The following KIF1C variants were observed in gnomAD, a reference collection of about 807,000 sequenced individuals.
The protein encoded by KIF1C is kinesin-like protein KIF1C.
In KIF1C, 61 loss-of-function variants were observed where a neutral mutation model predicts 126.5. The observed-to-expected ratio is 0.48, with a 90% confidence interval of 0.39 to 0.60. The LOEUF (loss-of-function observed/expected upper bound fraction) is 0.60. Among genes scored for constraint, KIF1C ranks in the 20% least tolerant of loss-of-function variants. The pLI is 0.00. For missense variants in KIF1C, 1,315 were observed against 1,489.2 expected (o/e 0.88, Z 1.93); for synonymous variants, 640 against 580.6 (o/e 1.10, Z -1.47).
At chr17:5,000,425 G>A (rs1974553986) in intron 3 of KIF1C, 73 bp downstream of exon 3, 2 of 1,028,504 alleles carry the variant, frequency 1.9e-6, no homozygotes, top group Admixed American at 2.0e-5. Context: ...CAGTCCCGCT[G>A]GGCCAAACTA....
chr17:5,020,508 G>A lies in KIF1C; in HGVS notation c.1767G>A (p.Met589Ile). 1 of 1,613,512 alleles carries A rather than the reference G, an allele frequency of 6.2e-7. No homozygotes were observed. The highest frequency in any genetic ancestry group is 8.5e-7 in the Non-Finnish European group (1 of 1,179,670). ...CATCTCTAGGGAATAGGATTGTGAT[G>A]GGCAAGAACCACGTTTTCCGCTTCA... ...LVLKSGNRIV[M>I]GKNHVFRFNH... The change falls in exon 20 of 23, where the codon ATG becomes ATA. Residue 589 changes from methionine to isoleucine, a missense_variant. Physicochemically the swap from Met to Ile is conservative, Grantham distance 10. This residue lies in a region of KIF1C where 874 missense variants were observed against 1,053.2 expected (regional missense o/e 0.83). Coordinates refer to ENST00000320785, the MANE Select transcript of KIF1C (RefSeq NM_006612.6). The surrounding 1 kb of genome is among the most constrained non-coding windows in gnomAD (Gnocchi z 5.8).
At position 5,022,531 on chromosome 17, in the gene KIF1C, G is replaced by T. The variant is rs1975115825; in HGVS notation, c.2450G>T (p.Ser817Ile). 6.9e-6 allele frequency: 11 copies of T among 1,588,246 alleles called. No homozygotes were observed. The highest frequency in any genetic ancestry group is 1.1e-5 in the South Asian group (1 of 87,870). Residue 817 changes from serine to isoleucine, a missense_variant, in exon 22 of 23, where the codon AGT becomes ATT. Ser to Ile is a moderately radical substitution (Grantham distance 142). Around this residue, in one of 2 missense-constraint regions of KIF1C, gnomAD observed 441 missense variants for 436.1 expected, o/e 1.01. Coordinates refer to ENST00000320785, the MANE Select transcript of KIF1C (RefSeq NM_006612.6). This position sits in a 1 kb window ranked among gnomAD's most constrained non-coding sequence, Gnocchi z 4.9. Reference sequence around the variant, plus strand: ...GAGGAGGAAGGAGGTGGAGCTGGCAGTGGTGGTGGCAGTGAGGAGGGAGCC... The same window carrying T: ...GAGGAGGAAGGAGGTGGAGCTGGCATTGGTGGTGGCAGTGAGGAGGGAGCC... Reference protein sequence around the residue: ...VGEEEGGGAGSGGGSEEGARG... With the variant: ...VGEEEGGGAGIGGGSEEGARG...
In KIF1C at chr17:4,999,368, T is replaced by C. The variant is rs921520892; in HGVS notation, c.-148-482T>C. 3.9e-5 allele frequency among the ~76,000 whole-genome samples: 6 copies of C among 152,342 alleles called. No homozygotes were observed. The East Asian group carries it at 5.8e-4, about 15-fold the overall frequency. ...GCAGTTTCCTCTCTGGTCTCTCTTCTGGGCTCCCAGTTTGTGCTTTGGCGC... is the reference window on the plus strand; with the variant it reads ...GCAGTTTCCTCTCTGGTCTCTCTTCCGGGCTCCCAGTTTGTGCTTTGGCGC... On this transcript the variant is annotated intron_variant, in intron 1 of 22. Transcript: ENST00000320785.
intron 16 of KIF1C, among the ~76,000 whole-genome samples, chr17:5,010,226 T>C (rs1974831580): frequency 6.6e-6 from 1 of 152,214 alleles, no homozygotes; most frequent in Non-Finnish European, 1.5e-5. Context: ...GTGCTTGGCC[T>C]GCATACCTTA....
intron 18 of KIF1C, among the ~76,000 whole-genome samples, chr17:5,017,885 G>A: frequency 6.6e-6 from 1 of 152,114 alleles, no homozygotes; most frequent in Non-Finnish European, 1.5e-5. Flanking sequence ...GATTATCATG[G>A]GTTCAGGGTA....
At chr17:5,004,725 G>A in intron 12 of KIF1C, 80 bp downstream of exon 12, 1 of 1,583,442 alleles carries the variant, frequency 6.3e-7, no homozygotes, top group Non-Finnish European at 8.7e-7. Context: ...TCAGGACCCT[G>A]CTCGTGAGAC....
Position 5,023,710 on chromosome 17 carries a change from C to A in KIF1C, c.2871C>A (p.Gly957=). The A allele has an allele frequency of 6.4e-7, 1 of 1,566,640 alleles. No homozygotes were observed. The highest frequency in any genetic ancestry group is 1.2e-5 in the South Asian group (1 of 84,468). Residue 957 remains glycine, a synonymous_variant, in exon 23 of 23, where the codon GGC becomes GGA. Transcript: ENST00000320785. This position sits in a 1 kb window ranked among gnomAD's most constrained non-coding sequence, Gnocchi z 4.2. ...TGCAGGGACTGCAGGGCTCTGGGGG[C>A]CGGGGCGGGGGGCTGCGCAGGCCCC... is the stretch of plus-strand genomic sequence containing the variant. The part of the protein sequence containing the change: ...LRLQGLQGSG[G]RGGGLRRPPA...
chr17:5,021,715 C>T (rs1975094609), intron 21 of KIF1C, among the ~76,000 whole-genome samples: 1 of 152,122 alleles, frequency 6.6e-6, no homozygotes, highest in Non-Finnish European at 1.5e-5. Context: ...CTCCTGGGCT[C>T]AAGTGATCCT....
Position 5,020,499 on chromosome 17 carries a change from G to A in KIF1C, c.1758G>A (p.Arg586=). The A allele has an allele frequency of 6.2e-6, 10 of 1,613,054 alleles. No individual in the cohort carries two copies. Among genetic ancestry groups the A allele is most frequent in the Non-Finnish European group, 7.6e-6 (9 of 1,179,390 alleles). ...TEPLVLKSGN[R]IVMGKNHVFR... ...CCCTCCTCCCATCTCTAGGGAATAG[G>A]ATTGTGATGGGCAAGAACCACGTTT... Residue 586 remains arginine (R), a synonymous_variant, in exon 20 of 23, where the codon AGG becomes AGA. Coordinates refer to ENST00000320785, the MANE Select transcript of KIF1C (RefSeq NM_006612.6). The surrounding 1 kb of genome is among the most constrained non-coding windows in gnomAD (Gnocchi z 5.8).
At position 5,000,310 on chromosome 17, in the gene KIF1C, C is replaced by T. The variant is rs200913968; in HGVS notation, c.64C>T (p.Gln22Ter). The change falls in exon 3 of 23, where the codon CAG becomes TAG. Residue 22 changes from glutamine to a stop codon, truncating the protein, a stop_gained. Coordinates refer to ENST00000320785, the MANE Select transcript of KIF1C (RefSeq NM_006612.6). LOFTEE classifies it high-confidence loss of function. The stretch of plus-strand genomic sequence containing the variant: ...GCCCTTTAACGCCCGTGAGACCAGC[C>T]AGGATGCCAAGTGTGTGGTCAGCAT... The part of the protein sequence containing the change: ...VRPFNARETS[Q>*]DAKCVVSMQG... 6.3e-7 allele frequency: 1 copy of T among 1,594,428 alleles called. No homozygotes were observed. Among genetic ancestry groups the T allele is most frequent in the Non-Finnish European group, 8.5e-7 (1 of 1,171,786 alleles).
At position 5,002,652 on chromosome 17, in the gene KIF1C, G is replaced by T; in HGVS notation, c.608+10G>T. 1 of 1,611,632 alleles carries T rather than the reference G, an allele frequency of 6.2e-7. No individual in the cohort carries two copies. The highest frequency in any genetic ancestry group is 8.5e-7 in the Non-Finnish European group (1 of 1,177,936). On this transcript the variant is annotated intron_variant, in intron 7 of 22. Transcript: ENST00000320785. ...GTGGAAATAAAGCACGGTGAGGCAG[G>T]CTGATGGAGCAGAGGGCAAGGGGGC...
chr17:5,022,685 G>C lies in KIF1C; in HGVS notation c.2604G>C (p.Met868Ile). ...CCCTGCGGGACCGCATGCTCCGCAT[G>C]GAGAGGGTCATCCCCCTGGCCCAGG... ...LQALRDRMLR[M>I]ERVIPLAQDH... The change falls in exon 22 of 23, where the codon ATG becomes ATC. Residue 868 changes from methionine (M) to isoleucine (I), a missense_variant. Physicochemically the swap from Met to Ile is conservative, Grantham distance 10. Around this residue, in one of 2 missense-constraint regions of KIF1C, gnomAD observed 441 missense variants for 436.1 expected, o/e 1.01. Transcript: ENST00000320785. This position sits in a 1 kb window ranked among gnomAD's most constrained non-coding sequence, Gnocchi z 4.9. The C allele has an allele frequency of 6.4e-7, 1 of 1,563,744 alleles. No individual in the cohort carries two copies. Among genetic ancestry groups the C allele is most frequent in the Non-Finnish European group, 8.7e-7 (1 of 1,155,394 alleles).
In KIF1C at chr17:5,020,779, C is replaced by G. The variant is rs1354733666; in HGVS notation, c.1938-27C>G. 6.3e-7 allele frequency: 1 copy of G among 1,597,268 alleles called. No homozygotes were observed. Among genetic ancestry groups the G allele is most frequent in the Non-Finnish European group, 8.5e-7 (1 of 1,171,574 alleles). On this transcript the variant is annotated intron_variant, in intron 20 of 22. Coordinates refer to ENST00000320785, the MANE Select transcript of KIF1C (RefSeq NM_006612.6). This position sits in a 1 kb window ranked among gnomAD's most constrained non-coding sequence, Gnocchi z 5.8. ...TTGTCAGATACTCACCAAGGTTGCT[C>G]TTCCTTCCCTCCCTGTCCAATCCCA...
chr17:5,002,353 G>A (rs369464264), intron 6 of KIF1C, 111 bp from the exon 7 acceptor site: 25 of 1,119,362 alleles, frequency 2.2e-5, no homozygotes, highest in African/African-American at 6.2e-5. Context: ...AGAATGCTTC[G>A]CACTGTGTAT....
chr17:5,007,882 C>T (rs1183294944), intron 16 of KIF1C, among the ~76,000 whole-genome samples: 1 of 152,206 alleles, frequency 6.6e-6, no homozygotes, highest in Non-Finnish European at 1.5e-5. Flanking sequence ...AGAAGGATAA[C>T]TTGGGAAGAC....
Position 5,007,198 on chromosome 17 carries a change from G to GTTGTCCCTACCCTGGGTCTGC in KIF1C, c.1336-57_1336-37dup. The GTTGTCCCTACCCTGGGTCTGC allele has an allele frequency of 1.9e-6, 3 of 1,574,680 alleles. No individual in the cohort carries two copies. The Admixed American group carries it at 5.5e-5, about 29-fold the overall frequency. Reference sequence around the variant, plus strand: ...TAGGAGTAGCATGGCCCCAGGGTAGGTTGTCCCTACCCTGGGTCTGCTTGT... The same window carrying GTTGTCCCTACCCTGGGTCTGC: ...TAGGAGTAGCATGGCCCCAGGGTAGGTTGTCCCTACCCTGGGTCTGCTTGTCCCTACCCTGGGTCTGCTTGT... On this transcript the variant is annotated intron_variant, in intron 14 of 22. Transcript: ENST00000320785.
rs971348874 is a variant in KIF1C, at chr17:5,020,432, G to T, written c.1751-60G>T. ...GTGCCAGATTCTCTATGCCTTGGGTGTAGGGATGGATTTGGTGCTGATGGG... is the reference window on the plus strand; with the variant it reads ...GTGCCAGATTCTCTATGCCTTGGGTTTAGGGATGGATTTGGTGCTGATGGG... On this transcript the variant is annotated intron_variant, in intron 19 of 22. Transcript: ENST00000320785. This position sits in a 1 kb window ranked among gnomAD's most constrained non-coding sequence, Gnocchi z 5.8. 10 of 1,498,036 alleles carry T rather than the reference G, an allele frequency of 6.7e-6. No homozygotes were observed. In the South Asian group the frequency reaches 1.2e-4, roughly 19 times the overall value. 92.8% of individuals were successfully genotyped at this position (1,498,036 alleles called of 1,614,324 possible).
rs764304135 is a variant in KIF1C, at chr17:5,002,883, C to G, written c.720+41C>G. ...CCCCCACTCCCCCACCGGATGCAAC[C>G]TCCCCTGGCAACAGGGACAGTGACA... On this transcript the variant is annotated intron_variant, in intron 8 of 22. Transcript: ENST00000320785. The G allele has an allele frequency of 2.7e-6, 4 of 1,500,644 alleles. No homozygotes were observed. The South Asian group carries it at 4.5e-5, about 17-fold the overall frequency. The allele number at this position is 1,500,644 out of a possible 1,614,324, so 93.0% of individuals were successfully genotyped here. A position where few individuals can be genotyped will look rare whatever the true frequency, so the allele number is the denominator to read the frequency against.
intron 16 of KIF1C, chr17:5,011,506 A>G (rs1197162535): frequency 6.6e-6 from 1 of 152,256 alleles, no homozygotes; most frequent in Non-Finnish European, 1.5e-5. Context: ...ACAAAGAGTT[A>G]TAGGGCTGAA....
Sources: gnomAD v4.1 joint callset for allele counts (sites outside exome capture counted in the v4.1 genomes callset) on GRCh38, gnomAD v4.1.1 for gene constraint, gnomAD v4.1.1 regional missense constraint, Gnocchi (gnomAD v3.1) non-coding constraint, MANE v1.5 for transcripts, NCBI Gene and HGNC (gene_info 2026-07-23, HGNC 2026-07-21) for gene names.